Variants in ITSN2 observed in about 807,000 individuals in gnomAD.
ITSN2 encodes the protein intersectin-2.
In ITSN2, 156 loss-of-function variants were observed where a neutral mutation model predicts 243.7. The ratio of observed to expected loss-of-function variants is 0.64; its 90% CI spans 0.56 to 0.73. The LOEUF (loss-of-function observed/expected upper bound fraction) is 0.73. ITSN2 is among the 30% of genes least tolerant of loss of function. The pLI is 0.00. For synonymous variants in ITSN2, 703 were observed against 699.9 expected, an observed-to-expected ratio of 1.00 and a Z score of -0.07; for missense variants, 1,801 against 1,996.1, an observed-to-expected ratio of 0.90 and a Z score of 1.86.
chr2:24,323,772 G>A (rs901308249), intron 2 of ITSN2, among the ~76,000 whole-genome samples: 1 of 152,092 alleles, frequency 6.6e-6, no homozygotes, highest in Non-Finnish European at 1.5e-5. Context: ...GCCATATTAG[G>A]AGTCCTCAAT....
chr2:24,302,517 G>A (rs1681911821), intron 9 of ITSN2, among the ~76,000 whole-genome samples: 1 of 152,128 alleles, frequency 6.6e-6, no homozygotes, highest in South Asian at 2.1e-4. Context: ...ATTTTTAAAA[G>A]AAGGATAATG....
At chr2:24,231,558 C>A (rs1050883315) in intron 29 of ITSN2, among the ~76,000 whole-genome samples, 5 of 152,236 alleles carry the variant, frequency 3.3e-5, no homozygotes, top group African/African-American at 9.6e-5. Context: ...CCCACCCCCA[C>A]ACTGTGGGAG....
chr2:24,246,538 C>T (rs1673390826), intron 28 of ITSN2, among the ~76,000 whole-genome samples: 1 of 152,092 alleles, frequency 6.6e-6, no homozygotes, highest in Admixed American at 6.6e-5. Flanking sequence ...AAGTGAAGTA[C>T]TTCACTTTAA....
chr2:24,250,901 T>C (rs1402722576), intron 25 of ITSN2, among the ~76,000 whole-genome samples: 1 of 152,022 alleles, frequency 6.6e-6, no homozygotes, highest in Non-Finnish European at 1.5e-5. Flanking sequence ...TAAGTCAGAC[T>C]AAAGAGATTT....
chr2:24,317,772 T>C (rs1479695955), intron 2 of ITSN2, among the ~76,000 whole-genome samples: 1 of 152,218 alleles, frequency 6.6e-6, no homozygotes. Flanking sequence ...AAATCAAGTA[T>C]GACTAATGTG....
rs1278551737 is a variant in ITSN2 at position 24,208,234 on chromosome 2, T to C, written c.4678+3A>G. 2.5e-6 allele frequency: 4 copies of C among 1,612,042 alleles called. No individual in the cohort carries two copies. The South Asian group carries it at 4.4e-5, about 18-fold the overall frequency. ...GCGTCCCACCCTCCGGGCACCCTGA[T>C]ACCTTGGTAAGCTTTCTCACGCTTC... On this transcript the variant is annotated splice_donor_region_variant and intron_variant, in intron 37 of 39. Transcript: ENST00000355123.
intron 29 of ITSN2, among the ~76,000 whole-genome samples, chr2:24,242,906 T>G (rs1174580479): frequency 6.6e-6 from 1 of 152,160 alleles, no homozygotes; most frequent in African/African-American, 2.4e-5. Context: ...AACAAGGTAA[T>G]AGGTAAGTTA....
chr2:24,269,198 T>G (rs778752613), intron 20 of ITSN2, among the ~76,000 whole-genome samples: 9 of 152,048 alleles, frequency 5.9e-5, no homozygotes, highest in African/African-American at 1.9e-4. Context: ...ATGAGCTCCA[T>G]TACTCTCATG....
intron 1 of ITSN2, among the ~76,000 whole-genome samples, chr2:24,328,377 A>C (rs1026709160): frequency 4.6e-5 from 7 of 152,230 alleles, no homozygotes; most frequent in African/African-American, 1.7e-4. Flanking sequence ...CCTTGGCATG[A>C]ACCAACATTC....
chr2:24,267,476 C>CAT (rs1393671968), intron 20 of ITSN2, among the ~76,000 whole-genome samples: 2 of 151,610 alleles, frequency 1.3e-5, no homozygotes, highest in Non-Finnish European at 1.5e-5. Flanking sequence ...TACATACATA[C>CAT]ACACACACAC....
intron 29 of ITSN2, chr2:24,240,781 T>C (rs756056876): frequency 1.3e-5 from 2 of 152,318 alleles, no homozygotes; most frequent in Admixed American, 6.5e-5. Context: ...AAACAGTAGA[T>C]TGCACTGCAG....
chr2:24,238,215 A>G (rs1461074755), intron 29 of ITSN2, among the ~76,000 whole-genome samples: 1 of 152,150 alleles, frequency 6.6e-6, no homozygotes, highest in Non-Finnish European at 1.5e-5. Flanking sequence ...GCTGTTTTAT[A>G]ATTATCTGCA....
intron 15 of ITSN2, among the ~76,000 whole-genome samples, chr2:24,291,331 A>G (rs1302801199): frequency 6.6e-6 from 1 of 152,018 alleles, no homozygotes; most frequent in Non-Finnish European, 1.5e-5. Context: ...GTTTCACCGC[A>G]TTGGCCAGGC....
chr2:24,275,897 C>T (rs369463950), intron 17 of ITSN2, 48 bp from the exon 18 acceptor site: 9 of 1,389,724 alleles, frequency 6.5e-6, no homozygotes, highest in South Asian at 2.8e-5. Flanking sequence ...TTTAAATATG[C>T]TTGTCATATG....
intron 29 of ITSN2, among the ~76,000 whole-genome samples, chr2:24,227,252 C>G (rs997496790): frequency 5.2e-5 from 7 of 134,228 alleles, no homozygotes; most frequent in South Asian, 2.3e-4. Context: ...TGAGATTCCA[C>G]AGAAAAACCA....
At chr2:24,262,942 T>C (rs1215512994) in intron 20 of ITSN2, among the ~76,000 whole-genome samples, 1 of 152,174 alleles carries the variant, frequency 6.6e-6, no homozygotes, top group African/African-American at 2.4e-5. Flanking sequence ...ACTGAATTTG[T>C]CATTAAAGAC....
At chr2:24,352,105 T>C (rs1330484983) in intron 1 of ITSN2, among the ~76,000 whole-genome samples, 1 of 152,138 alleles carries the variant, frequency 6.6e-6, no homozygotes, top group East Asian at 1.9e-4. Context: ...TATGTATATA[T>C]AGGAAAAAAC....
intron 1 of ITSN2, chr2:24,330,407 C>A: frequency 1.7e-6 from 1 of 598,848 alleles, no homozygotes; most frequent in South Asian, 1.4e-5. Context: ...CCACCATGCC[C>A]AAGAGAAAGG....
chr2:24,295,534 C>T (rs1680841936), intron 14 of ITSN2, 130 bp downstream of exon 14: 1 of 596,432 alleles, frequency 1.7e-6, no homozygotes, highest in Non-Finnish European at 2.7e-6. Flanking sequence ...GTCTCGAACT[C>T]CTGACCTCAG....
Sources: allele counts gnomAD v4.1 joint callset (sites outside exome capture counted in the v4.1 genomes callset), GRCh38; gene constraint gnomAD v4.1.1; transcripts MANE v1.5; gene names NCBI Gene and HGNC (gene_info 2026-07-23, HGNC 2026-07-21).